Variants in MGAT4C observed in about 807,000 individuals in gnomAD.
MGAT4C encodes alpha-1,3-mannosyl-glycoprotein 4-beta-N-acetylglucosaminyltransferase C.
Under a neutral mutation model 40.1 loss-of-function variants are expected in MGAT4C, and 19 were observed. The observed-to-expected ratio is 0.47, with a 90% CI of 0.33 to 0.70. MGAT4C has a LOEUF of 0.70. Among genes scored for constraint, MGAT4C ranks in the 30% least tolerant of loss-of-function variants. MGAT4C has a pLI of 0.02. For missense variants in MGAT4C, 491 were observed against 563.2 expected (o/e 0.87, Z 1.30); for synonymous variants, 181 against 187.1 (o/e 0.97, Z 0.27).
At chr12:85,990,452 G>A (rs1224801413) in intron 2 of MGAT4C, among the ~76,000 whole-genome samples, 2 of 152,110 alleles carry the variant, frequency 1.3e-5, no homozygotes, top group Non-Finnish European at 2.9e-5. Context: ...TTAGAGTTGT[G>A]TAATGGATCT....
chr12:86,143,831 T>C (rs1246084194), intron 1 of MGAT4C, among the ~76,000 whole-genome samples: 2 of 152,182 alleles, frequency 1.3e-5, no homozygotes, highest in Admixed American at 6.5e-5. Context: ...TTGTAGATAT[T>C]GTTGAACCCA....
At position 86,473,552 on chromosome 12, in the gene MGAT4C, T is replaced by A. The variant is rs1237666077; in HGVS notation, c.-228-38287A>T. ...ACCTGTCATAAGAAAAGAGACACCA[T>A]TTGGAATAAGAAGACCAAGAATATG... On this transcript the variant is annotated intron_variant, in intron 2 of 7. Coordinates refer to the MGAT4C transcript ENST00000548651. Among the ~76,000 whole-genome samples the A allele has an allele frequency of 2.0e-5, 3 of 152,286 alleles. 1 individual carries two copies. Among genetic ancestry groups the A allele is most frequent in the Admixed American group, 6.5e-5 (1 of 15,290 alleles).
chr12:86,316,079 C>CAAAAAAAAAAAAAAAAAAAAA lies in MGAT4C; in HGVS notation c.-57+17965_-57+17985dup, dbSNP rs71076185. On this transcript the variant is annotated intron_variant, in intron 4 of 7. Transcript: ENST00000548651. ...TTTTCAAAAGAATAAATACAAGCAG[C>CAAAAAAAAAAAAAAAAAAAAA]AAAAAAAAAAAAAAAAAAAAAAAAA... is the stretch of plus-strand genomic sequence containing the variant. Among the ~76,000 whole-genome samples the CAAAAAAAAAAAAAAAAAAAAA allele has an allele frequency of 3.5e-4, 12 of 34,060 alleles. No individual in the cohort carries two copies. In the East Asian group the frequency reaches 3.8e-3, roughly 11 times the overall value. The allele number at this position is 34,060 out of a possible 152,430, so 22.3% of individuals were successfully genotyped here.
intron 2 of MGAT4C, among the ~76,000 whole-genome samples, chr12:86,644,859 G>A: frequency 6.6e-6 from 1 of 151,614 alleles, no homozygotes; most frequent in South Asian, 2.1e-4. Context: ...ATGAAGTTTA[G>A]GAAGACAAGA....
chr12:86,350,280 C>T (rs1955130498), intron 3 of MGAT4C, among the ~76,000 whole-genome samples: 1 of 151,994 alleles, frequency 6.6e-6, no homozygotes, highest in Admixed American at 6.6e-5. Flanking sequence ...AGCAAACGTC[C>T]CAAGGAAAAA....
At chr12:86,018,483 T>C (rs1406435304) in intron 2 of MGAT4C, among the ~76,000 whole-genome samples, 1 of 152,202 alleles carries the variant, frequency 6.6e-6, no homozygotes, top group Non-Finnish European at 1.5e-5. Flanking sequence ...TTTGTTTTTT[T>C]ACTTTGTTTT....
At chr12:86,645,208 T>C (rs1356821405) in intron 2 of MGAT4C, among the ~76,000 whole-genome samples, 1 of 151,668 alleles carries the variant, frequency 6.6e-6, no homozygotes, top group East Asian at 1.9e-4. Flanking sequence ...AAAGTTCTAA[T>C]TGAATGAAAC....
intron 2 of MGAT4C, among the ~76,000 whole-genome samples, chr12:86,529,561 G>A (rs1252353305): frequency 6.6e-6 from 1 of 151,930 alleles, no homozygotes; most frequent in Non-Finnish European, 1.5e-5. Context: ...TAACTGCACT[G>A]CCAAACTTAT....
intron 2 of MGAT4C, among the ~76,000 whole-genome samples, chr12:86,658,235 C>T (rs1963895870): frequency 6.6e-6 from 1 of 151,982 alleles, no homozygotes; most frequent in Non-Finnish European, 1.5e-5. Context: ...GCTCAGAAAA[C>T]AATTATTTTA....
chr12:86,406,687 C>G (rs1008860720), intron 3 of MGAT4C, among the ~76,000 whole-genome samples: 11 of 151,844 alleles, frequency 7.2e-5, no homozygotes, highest in African/African-American at 2.7e-4. Context: ...TACAACCACT[C>G]TGGAAATCAG....
chr12:86,544,536 G>A (rs1035951374), intron 2 of MGAT4C, among the ~76,000 whole-genome samples: 1 of 152,008 alleles, frequency 6.6e-6, no homozygotes, highest in African/African-American at 2.4e-5. Flanking sequence ...GGAATTTGTT[G>A]ATTAAAACAC....
chr12:86,279,154 G>T (rs1953152095), intron 4 of MGAT4C, among the ~76,000 whole-genome samples: 1 of 151,796 alleles, frequency 6.6e-6, no homozygotes, highest in Non-Finnish European at 1.5e-5. Flanking sequence ...TTTGGTATTA[G>T]GATAATACTG....
chr12:86,296,145 GGTTT>G (rs1316589611), intron 4 of MGAT4C, among the ~76,000 whole-genome samples: 4 of 143,078 alleles, frequency 2.8e-5, no homozygotes, highest in Non-Finnish European at 4.5e-5. Context: ...GGTGCTGACT[GGTTT>G]GTTTACAATC....
intron 1 of MGAT4C, among the ~76,000 whole-genome samples, chr12:86,102,789 A>G (rs1414438799): frequency 1.3e-5 from 2 of 152,122 alleles, no homozygotes; most frequent in Non-Finnish European, 2.9e-5. Context: ...CTGCATTACA[A>G]TTCTCATACA....
At chr12:86,554,536 T>C (rs1959519010) in intron 2 of MGAT4C, among the ~76,000 whole-genome samples, 1 of 152,210 alleles carries the variant, frequency 6.6e-6, no homozygotes, top group Non-Finnish European at 1.5e-5. Context: ...CTTCTTCTGT[T>C]AATTGTGGAT....
Position 85,971,032 on chromosome 12 carries a change from T to C in MGAT4C, c.*8257A>G, listed in dbSNP as rs1883597696. 1 of 151,150 alleles carries C rather than the reference T, an allele frequency of 6.6e-6. No homozygotes were observed. Among genetic ancestry groups the C allele is most frequent in the South Asian group, 2.1e-4 (1 of 4,826 alleles). The allele number at this position is 151,150 out of a possible 1,614,324, so 9.4% of individuals were successfully genotyped here. ...AATTTCATATTATGAGAGCAATATGTAAATTTCATTGCAACAATGGTTATT... is the reference window on the plus strand; with the variant it reads ...AATTTCATATTATGAGAGCAATATGCAAATTTCATTGCAACAATGGTTATT... On this transcript the variant is annotated 3_prime_UTR_variant, in exon 5 of 5. Coordinates refer to ENST00000611864, the MANE Select transcript of MGAT4C (RefSeq NM_001351288.2).
In MGAT4C at chr12:86,357,434, C is replaced by T. The variant is rs145063199; in HGVS notation, c.-119-23307G>A. ...GCACCTCTTCTCCTCCAATGGAATG[C>T]TGCTCCTCGTCAGCAATGGAACAAA... On this transcript the variant is annotated intron_variant, in intron 3 of 7. Coordinates refer to the MGAT4C transcript ENST00000548651. 1.4e-3 allele frequency among the ~76,000 whole-genome samples: 209 copies of T among 152,300 alleles called. 1 individual carries two copies. The highest frequency in any genetic ancestry group is 4.7e-3 in the African/African-American group (197 of 41,582).
intron 3 of MGAT4C, among the ~76,000 whole-genome samples, chr12:86,349,389 C>T (rs17367374): frequency 0.085 from 12,913 of 152,180 alleles, 764 homozygotes; most frequent in Middle Eastern, 0.22. Context: ...TGCTAGTAAA[C>T]GTTGTATTGG....
intron 2 of MGAT4C, among the ~76,000 whole-genome samples, chr12:85,994,153 T>C (rs986767083): frequency 2.0e-5 from 3 of 152,156 alleles, no homozygotes; most frequent in African/African-American, 7.2e-5. Context: ...CTACAATAAT[T>C]TGAAGTAGAA....
Sources: allele counts gnomAD v4.1 joint callset (sites outside exome capture counted in the v4.1 genomes callset), GRCh38; gene constraint gnomAD v4.1.1; transcripts MANE v1.5; gene names NCBI Gene and HGNC (gene_info 2026-07-23, HGNC 2026-07-21).